Variants in FKBP15 observed in about 807,000 individuals in gnomAD.
FKBP15 encodes the protein FKBP prolyl isomerase family member 15, also known as FK506-binding protein 15.
In FKBP15, 106 loss-of-function variants were observed where a neutral mutation model predicts 158.1. The ratio of observed to expected loss-of-function variants is 0.67; its 90% CI spans 0.57 to 0.79. The LOEUF is 0.79. FKBP15 is among the 30% of genes least tolerant of loss of function. The pLI is 0.00. For synonymous variants in FKBP15, 547 were observed against 548.6 expected (o/e 1.00, Z 0.04); for missense variants, 1,287 against 1,479.1 (o/e 0.87, Z 2.13).
chr9:113,201,973 A>AT (rs551583247), intron 6 of FKBP15, among the ~76,000 whole-genome samples: 9 of 152,082 alleles, frequency 5.9e-5, no homozygotes, highest in Non-Finnish European at 1.2e-4. Context: ...ACTATGAGTG[A>AT]TTTTTTTTAA....
At chr9:113,202,278 TTAATATAA>T (rs1411731527) in intron 6 of FKBP15, among the ~76,000 whole-genome samples, 1 of 152,184 alleles carries the variant, frequency 6.6e-6, no homozygotes, top group African/African-American at 2.4e-5. Flanking sequence ...AGAAAATTTT[TTAATATAA>T]TAAGATTACA....
rs551583247 is a variant in FKBP15, at chr9:113,201,973, AT to A, written c.498+557del. Among the ~76,000 whole-genome samples the A allele has an allele frequency of 2.7e-3, 414 of 152,198 alleles. 1 individual carries two copies. The highest frequency in any genetic ancestry group is 9.4e-3 in the African/African-American group (389 of 41,524). On this transcript the variant is annotated intron_variant, in intron 6 of 27. Transcript: ENST00000238256. ...ACTTTGAGTAGTAAGACTATGAGTGATTTTTTTTAATGCTTTTCTAAATTTT... is the reference window on the plus strand; with the variant it reads ...ACTTTGAGTAGTAAGACTATGAGTGATTTTTTTAATGCTTTTCTAAATTTT...
Position 113,186,293 on chromosome 9 carries a change from C to A in FKBP15, c.1454G>T (p.Arg485Leu), listed in dbSNP as rs369035153. 16 of 1,570,656 alleles carry A rather than the reference C, an allele frequency of 1.0e-5. No individual in the cohort carries two copies. Among genetic ancestry groups the A allele is most frequent in the African/African-American group, 4.1e-5 (3 of 74,014 alleles). Residue 485 changes from arginine (R) to leucine (L), a missense_variant, in exon 15 of 28, where the codon CGG becomes CTG. Arg to Leu is a moderately radical substitution (Grantham distance 102). Coordinates refer to ENST00000238256, the MANE Select transcript of FKBP15 (RefSeq NM_015258.2). ...AGAGAGCGGTGCTGGGTACAAAGGC[C>A]GAACGGGCTGCAGCTGGGAGGTGAC... is the stretch of plus-strand genomic sequence containing the variant. Reference protein sequence around the residue: ...SAVTSQLQPVRPLYPAPLSQP... With the variant: ...SAVTSQLQPVLPLYPAPLSQP...
chr9:113,175,165 G>A (rs1478078046), intron 21 of FKBP15, among the ~76,000 whole-genome samples: 1 of 151,116 alleles, frequency 6.6e-6, no homozygotes, highest in Non-Finnish European at 1.5e-5. Context: ...TACCCTGATA[G>A]TAAGAAAACG....
Position 113,182,871 on chromosome 9 carries a change from G to T in FKBP15, c.1812-3C>A. On this transcript the variant is annotated splice_polypyrimidine_tract_variant and splice_region_variant and intron_variant, in intron 18 of 27. Coordinates refer to ENST00000238256, the MANE Select transcript of FKBP15 (RefSeq NM_015258.2). Reference sequence around the variant, plus strand: ...TCAGGTTACTCTGCTCAACATACCTGTGAAAGAAATAGAGAAAAAGAAAAC... The same window carrying T: ...TCAGGTTACTCTGCTCAACATACCTTTGAAAGAAATAGAGAAAAAGAAAAC... 6.2e-7 allele frequency: 1 copy of T among 1,611,214 alleles called. No individual in the cohort carries two copies. Among genetic ancestry groups the T allele is most frequent in the Non-Finnish European group, 8.5e-7 (1 of 1,177,464 alleles).
In FKBP15 at chr9:113,184,945, CAGG is replaced by C; in HGVS notation, c.1499-144_1499-142del. The C allele has an allele frequency of 1.5e-6, 1 of 665,408 alleles. No homozygotes were observed. The highest frequency in any genetic ancestry group is 1.9e-5 in the South Asian group (1 of 51,760). The allele number at this position is 665,408 out of a possible 1,614,324, so 41.2% of individuals were successfully genotyped here. On this transcript the variant is annotated intron_variant, in intron 15 of 27. Coordinates refer to ENST00000238256, the MANE Select transcript of FKBP15 (RefSeq NM_015258.2). The surrounding 1 kb of genome is among the most constrained non-coding windows in gnomAD (Gnocchi z 4.5). ...AATGCTATAGGTGACTTCACCCTGT[CAGG>C]AGAAGATATATGGGAGAGAGTAGAG...
intron 27 of FKBP15, 96 bp downstream of exon 27, chr9:113,168,364 G>A (rs1482234108): frequency 9.5e-7 from 1 of 1,051,878 alleles, no homozygotes; most frequent in Admixed American, 2.0e-5. Flanking sequence ...TCCAGGGAGT[G>A]GGCCACCAAC....
At position 113,211,548 on chromosome 9, in the gene FKBP15, C is replaced by T; in HGVS notation, c.98G>A (p.Gly33Asp). 6.2e-7 allele frequency: 1 copy of T among 1,607,666 alleles called. No homozygotes were observed. The highest frequency in any genetic ancestry group is 8.5e-7 in the Non-Finnish European group (1 of 1,177,118). Reference sequence around the variant, plus strand: ...GTACTGGAAAAATTCATTTCCATGGCCAGCAGCTGCCTGATCCAGTCCAAA... The same window carrying T: ...GTACTGGAAAAATTCATTTCCATGGTCAGCAGCTGCCTGATCCAGTCCAAA... ...SLFGLDQAAA[G>D]HGNEFFQYTA... The change falls in exon 2 of 28, where the codon GGC becomes GAC. Residue 33 changes from glycine to aspartate, a missense_variant. Coordinates refer to ENST00000238256, the MANE Select transcript of FKBP15 (RefSeq NM_015258.2).
chr9:113,207,825 G>T (rs939841259), intron 2 of FKBP15, among the ~76,000 whole-genome samples: 3 of 152,050 alleles, frequency 2.0e-5, no homozygotes, highest in African/African-American at 7.3e-5. Context: ...ATAGTGCCTA[G>T]GTCTGAAACC....
At chr9:113,219,132 A>T (rs1276056262) in intron 1 of FKBP15, among the ~76,000 whole-genome samples, 1 of 152,220 alleles carries the variant, frequency 6.6e-6, no homozygotes, top group East Asian at 1.9e-4. Context: ...ACGGTGAGGA[A>T]TGGGCTAAAA....
chr9:113,176,498 T>C, intron 21 of FKBP15, 39 bp downstream of exon 21: 1 of 1,535,728 alleles, frequency 6.5e-7, no homozygotes, highest in Middle Eastern at 1.7e-4. Flanking sequence ...AAATGTTTAT[T>C]AAACAGCTAA....
At position 113,190,474 on chromosome 9, in the gene FKBP15, G is replaced by A. The variant is rs749896055; in HGVS notation, c.1170C>T (p.Ile390=). 20 of 1,607,208 alleles carry A rather than the reference G, an allele frequency of 1.2e-5. No homozygotes were observed. Among genetic ancestry groups the A allele is most frequent in the Admixed American group, 5.1e-5 (3 of 59,156 alleles). Residue 390 remains isoleucine, a synonymous_variant, in exon 12 of 28, where the codon ATC becomes ATT. Transcript: ENST00000238256. ...TAATACAGCCAGGGGGACATACTTC[G>A]ATTTCTGAATCATTGGAATCCAGCT... ...PPQLDSNDSE[I]EDVNTLQGGG... is the part of the protein sequence containing the mutation.
At chr9:113,193,416 C>A in intron 11 of FKBP15, 76 bp downstream of exon 11, 1 of 1,221,240 alleles carries the variant, frequency 8.2e-7, no homozygotes, top group South Asian at 1.3e-5. Context: ...CTGTAGTGAT[C>A]CTCCTGCCTC....
At position 113,195,116 on chromosome 9, in the gene FKBP15, T is replaced by G. The variant is rs138401804; in HGVS notation, c.865-947A>C. On this transcript the variant is annotated intron_variant, in intron 9 of 27. Transcript: ENST00000238256. ...GTGTTCCATTATTGGAACGCTAAGC[T>G]TGTGGGAGTTATTTATATCCTACTG... Among the ~76,000 whole-genome samples the G allele has an allele frequency of 5.3e-3, 811 of 152,340 alleles. 9 individuals carry two copies. The highest frequency in any genetic ancestry group is 0.018 in the African/African-American group (761 of 41,588).
At chr9:113,188,632 G>T in intron 12 of FKBP15, 141 bp from the exon 13 acceptor site, 1 of 648,630 alleles carries the variant, frequency 1.5e-6, no homozygotes, top group Non-Finnish European at 2.7e-6. Flanking sequence ...AAGGCCAAGA[G>T]TTGAGGGTGT....
At chr9:113,173,326 C>G (rs1310045184) in intron 23 of FKBP15, 127 bp downstream of exon 23, 1 of 929,320 alleles carries the variant, frequency 1.1e-6, no homozygotes, top group Non-Finnish European at 1.6e-6. Flanking sequence ...ACAAGCTAAA[C>G]AAGTGTGGTT....
Position 113,183,898 on chromosome 9 carries a change from A to G in FKBP15, c.1717-53T>C, listed in dbSNP as rs761887535. The G allele has an allele frequency of 6.7e-6, 9 of 1,340,114 alleles. No individual in the cohort carries two copies. In the East Asian group the frequency reaches 1.4e-4, roughly 20 times the overall value. The allele number at this position is 1,340,114 out of a possible 1,614,324, so 83.0% of individuals were successfully genotyped here. ...TTAAGTGTCTTGGGAGAAAAGTGCC[A>G]GATAGAAGAGAATCAACTTGAACTG... On this transcript the variant is annotated intron_variant, in intron 17 of 27. Transcript: ENST00000238256.
Position 113,166,142 on chromosome 9 carries a change from C to T in FKBP15, c.3596G>A (p.Arg1199His), listed in dbSNP as rs746517705. 20 of 1,612,992 alleles carry T rather than the reference C, an allele frequency of 1.2e-5. No individual in the cohort carries two copies. In the South Asian group the frequency reaches 1.7e-4, roughly 13 times the overall value. Residue 1199 changes from arginine to histidine, a missense_variant, in exon 28 of 28, where the codon CGC becomes CAC. Physicochemically the swap from Arg to His is conservative, Grantham distance 29 (BLOSUM62 0). Transcript: ENST00000238256. Reference sequence around the variant, plus strand: ...TCCAAAAAGGGGCGTTGGGGGCGGGCGTCCCTTCATGCTCTGATAAAACAG... The same window carrying T: ...TCCAAAAAGGGGCGTTGGGGGCGGGTGTCCCTTCATGCTCTGATAAAACAG... Reference protein sequence around the residue: ...EDEDEVSMKGRPPPTPLFGDD... With the variant: ...EDEDEVSMKGHPPPTPLFGDD...
chr9:113,164,576 C>G lies in FKBP15; in HGVS notation c.*1502G>C, dbSNP rs919211291. ...ACCTTTAGGACTGATCAGGGCATTC[C>G]CCCATGTTTGCAGGGAACTGGAAAG... On this transcript the variant is annotated 3_prime_UTR_variant, in exon 28 of 28. Transcript: ENST00000238256. 3 of 152,182 alleles carry G rather than the reference C, an allele frequency of 2.0e-5. No individual in the cohort carries two copies. The highest frequency in any genetic ancestry group is 7.2e-5 in the African/African-American group (3 of 41,426). The allele number at this position is 152,182 out of a possible 1,614,324, so 9.4% of individuals were successfully genotyped here. A position where few individuals can be genotyped will look rare whatever the true frequency, so the allele number is the denominator to read the frequency against.
Sources: allele counts gnomAD v4.1 joint callset (sites outside exome capture counted in the v4.1 genomes callset), GRCh38; gene constraint gnomAD v4.1.1; non-coding constraint Gnocchi (gnomAD v3.1); transcripts MANE v1.5; gene names NCBI Gene and HGNC (gene_info 2026-07-23, HGNC 2026-07-21).